The following CELSR1 variants were observed in gnomAD, a reference collection of about 807,000 sequenced individuals.
CELSR1 encodes the protein cadherin EGF LAG seven-pass G-type receptor 1.
CELSR1 carries 110 observed loss-of-function variants against 249.1 expected under a neutral mutation model. That is an observed-to-expected ratio of 0.44 (90% CI 0.38 to 0.52). CELSR1 has a LOEUF of 0.52. Ranked by LOEUF, CELSR1 falls within the 20% of genes least tolerant of loss-of-function variation. CELSR1 has a pLI of 0.00. For synonymous variants in CELSR1, 2,113 were observed against 1,900.0 expected, an observed-to-expected ratio of 1.11 and a Z score of -2.92; for missense variants, 4,109 against 4,296.4, an observed-to-expected ratio of 0.96 and a Z score of 1.22.
At chr22:46,525,286 C>T (rs1185098324) in intron 1 of CELSR1, among the ~76,000 whole-genome samples, 1 of 152,264 alleles carries the variant, frequency 6.6e-6, no homozygotes, top group Non-Finnish European at 1.5e-5. Context: ...CCCATGTCTA[C>T]TAAAAATACA....
At chr22:46,384,226 G>A (rs1479147976) in intron 20 of CELSR1, among the ~76,000 whole-genome samples, 2 of 152,190 alleles carry the variant, frequency 1.3e-5, no homozygotes, top group South Asian at 2.1e-4. Flanking sequence ...GTGAGCCGCC[G>A]CGCCTGGCCT....
chr22:46,394,159 C>T lies in CELSR1; in HGVS notation c.5947G>A (p.Gly1983Ser). The change falls in exon 14 of 35, where the codon GGC becomes AGC. Residue 1983 changes from glycine to serine, a missense_variant. Physicochemically the swap from Gly to Ser is moderately conservative, Grantham distance 56. Transcript: ENST00000674500. The stretch of plus-strand genomic sequence containing the variant: ...GGCCTCACCTTGCATTGGCACTGGC[C>T]GTTGGTCTTATTACAGTCGGGATCA... ...GFDPDCNKTN[G>S]QCQCKENYYK... The T allele has an allele frequency of 6.2e-7, 1 of 1,613,926 alleles. No homozygotes were observed. Among genetic ancestry groups the T allele is most frequent in the Non-Finnish European group, 8.5e-7 (1 of 1,179,880 alleles).
rs768346977 is a variant in CELSR1, at chr22:46,410,500, G to C, written c.4831C>G (p.Pro1611Ala). 2 of 1,614,006 alleles carry C rather than the reference G, an allele frequency of 1.2e-6. No homozygotes were observed. The highest frequency in any genetic ancestry group is 1.7e-6 in the Non-Finnish European group (2 of 1,180,032). Residue 1611 changes from proline (P) to alanine (A), a missense_variant, in exon 7 of 35, where the codon CCA becomes GCA. By Grantham distance (27) the Pro-to-Ala change is conservative. Coordinates refer to ENST00000674500, the MANE Select transcript of CELSR1 (RefSeq NM_001378328.1). The surrounding 1 kb of genome is among the most constrained non-coding windows in gnomAD (Gnocchi z 6.8). ...CCCACGAACTGCCGGTTGTGCACTG[G>C]GAAGTCTTCTGGCAGGTTGGGGACA... Reference protein sequence around the residue: ...GGVPNLPEDFPVHNRQFVGCM... With the variant: ...GGVPNLPEDFAVHNRQFVGCM...
intron 29 of CELSR1, 33 bp downstream of exon 29, chr22:46,366,960 C>A: frequency 6.3e-7 from 1 of 1,596,682 alleles, no homozygotes; most frequent in Non-Finnish European, 8.5e-7. Flanking sequence ...GCCGCCCAGC[C>A]CCCAGTCCCG....
chr22:46,364,699 G>C lies in CELSR1; in HGVS notation c.8592C>G (p.Pro2864=), dbSNP rs759640294. 13 of 1,612,492 alleles carry C rather than the reference G, an allele frequency of 8.1e-6. No homozygotes were observed. The highest frequency in any genetic ancestry group is 2.2e-5 in the East Asian group (1 of 44,868). ...TGTCACTCTCAGCCAGGCTCTGGTC[G>C]GGCCAGCCGGCCGGAACGTGGTTGG... ...AVANHVPAGW[P]DQSLAESDSE... is the part of the protein sequence containing the mutation. Residue 2864 remains proline (P), a synonymous_variant, in exon 33 of 35, where the codon CCC becomes CCG. Coordinates refer to ENST00000674500, the MANE Select transcript of CELSR1 (RefSeq NM_001378328.1).
Position 46,436,390 on chromosome 22 carries a change from C to G in CELSR1, c.4407-101G>C. The G allele has an allele frequency of 1.3e-6, 1 of 752,668 alleles. No individual in the cohort carries two copies. Among genetic ancestry groups the G allele is most frequent in the Non-Finnish European group, 2.3e-6 (1 of 440,352 alleles). The allele number at this position is 752,668 out of a possible 1,614,324, so 46.6% of individuals were successfully genotyped here. ...GCCGGAGGAGGGCAAGCACGTGGGG[C>G]TACGATTCAGGAAAGAATGGTGTCA... On this transcript the variant is annotated intron_variant, in intron 3 of 34. Coordinates refer to ENST00000674500, the MANE Select transcript of CELSR1 (RefSeq NM_001378328.1). This position sits in a 1 kb window ranked among gnomAD's most constrained non-coding sequence, Gnocchi z 5.9.
In CELSR1 at chr22:46,521,009, G is replaced by A. The variant is rs60804699; in HGVS notation, c.3544+12618C>T. Among the ~76,000 whole-genome samples, 22 of 152,230 alleles carry A rather than the reference G, an allele frequency of 1.4e-4. No homozygotes were observed. The South Asian group carries it at 3.3e-3, about 23-fold the overall frequency. ...TTTTCAGTCTTGCTTATTTCACTTA[G>A]CATAATGTCCTCAAGGTTCACCCAC... On this transcript the variant is annotated intron_variant, in intron 1 of 34. Coordinates refer to ENST00000674500, the MANE Select transcript of CELSR1 (RefSeq NM_001378328.1).
rs141190123 is a variant in CELSR1, at chr22:46,447,888, G to A, written c.4184-8477C>T. On this transcript the variant is annotated intron_variant, in intron 2 of 34. Transcript: ENST00000674500. This position sits in a 1 kb window ranked among gnomAD's most constrained non-coding sequence, Gnocchi z 4.7. ...GCTCGCCTTAGCCTCCCAAAGTGCT[G>A]GGATTACAGGTGCGAGCCACCACAC... Among the ~76,000 whole-genome samples, 5 of 152,312 alleles carry A rather than the reference G, an allele frequency of 3.3e-5. No individual in the cohort carries two copies. Among genetic ancestry groups the A allele is most frequent in the African/African-American group, 7.2e-5 (3 of 41,582 alleles).
Position 46,390,470 on chromosome 22 carries a change from G to C in CELSR1, c.6267C>G (p.His2089Gln). ...PKGSVGNAVR[H>Q]CSGEKGWLPP... ...GCAGCCAGCCCTTCTCCCCGCTGCA[G>C]TGTCGGACCGCATTTCCTGGGGAAG... Residue 2089 changes from histidine (H) to glutamine (Q), a missense_variant, in exon 17 of 35, where the codon CAC becomes CAG. Transcript: ENST00000674500. This position sits in a 1 kb window ranked among gnomAD's most constrained non-coding sequence, Gnocchi z 6.3. 1.9e-6 allele frequency: 3 copies of C among 1,613,788 alleles called. No individual in the cohort carries two copies. The highest frequency in any genetic ancestry group is 2.5e-6 in the Non-Finnish European group (3 of 1,179,866).
intron 1 of CELSR1, among the ~76,000 whole-genome samples, chr22:46,498,672 T>A (rs1215637461): frequency 6.6e-6 from 1 of 151,114 alleles, no homozygotes; most frequent in East Asian, 1.9e-4. Context: ...GAAATAAACA[T>A]GGACAGGGAG....
At chr22:46,504,522 A>G (rs1033466382) in intron 1 of CELSR1, among the ~76,000 whole-genome samples, 1 of 87,312 alleles carries the variant, frequency 1.1e-5, no homozygotes, top group African/African-American at 4.1e-5. Context: ...AAAAAAAAAC[A>G]AAAAAAAACA....
rs1381526746 is a variant in CELSR1 at position 46,378,579 on chromosome 22, G to C, written c.7383+12C>G. ...GGCCCAGAGGGCACAGTGGCCACGG[G>C]AGGATGCCCACCTCACGCCTGGAGA... is the stretch of plus-strand genomic sequence containing the variant. On this transcript the variant is annotated intron_variant, in intron 23 of 34. Transcript: ENST00000674500. 6.4e-7 allele frequency: 1 copy of C among 1,556,272 alleles called. No individual in the cohort carries two copies. The highest frequency in any genetic ancestry group is 2.4e-5 in the East Asian group (1 of 41,680).
intron 1 of CELSR1, among the ~76,000 whole-genome samples, chr22:46,529,963 T>C (rs1393514811): frequency 6.6e-6 from 1 of 152,150 alleles, no homozygotes; most frequent in Non-Finnish European, 1.5e-5. Context: ...TTCTCCATGA[T>C]GTGATCATTA....
At chr22:46,365,160 G>C (rs1294388927) in intron 32 of CELSR1, 71 bp downstream of exon 32, 2 of 1,536,814 alleles carry the variant, frequency 1.3e-6, no homozygotes, top group Non-Finnish European at 1.7e-6. Context: ...AAGGGACCCA[G>C]CCATAGCCAA....
rs747221856 is a variant in CELSR1 at position 46,536,475 on chromosome 22, C to A, written c.696G>T (p.Arg232=). 1.9e-6 allele frequency: 3 copies of A among 1,603,664 alleles called. No homozygotes were observed. The highest frequency in any genetic ancestry group is 2.6e-6 in the Non-Finnish European group (3 of 1,175,878). ...LPEARAGPAR[R]ARRGTSGRGS... ...CTCTGCCGCTCGTGCCCCGCCGGGCCCGTCGCGCCGGCCCCGCCCGGGCTT... is the reference window on the plus strand; with the variant it reads ...CTCTGCCGCTCGTGCCCCGCCGGGCACGTCGCGCCGGCCCCGCCCGGGCTT... The change falls in exon 1 of 35, where the codon CGG becomes CGT. Residue 232 remains arginine, a synonymous_variant. Transcript: ENST00000674500.
chr22:46,385,739 A>G lies in CELSR1; in HGVS notation c.6739+663T>C, dbSNP rs1222975406. Among the ~76,000 whole-genome samples the G allele has an allele frequency of 9.0e-5, 13 of 143,710 alleles. No homozygotes were observed. In the South Asian group the frequency reaches 1.3e-3, roughly 14 times the overall value. The allele number at this position is 143,710 out of a possible 152,430, so 94.3% of individuals were successfully genotyped here. On this transcript the variant is annotated intron_variant, in intron 19 of 34. Coordinates refer to ENST00000674500, the MANE Select transcript of CELSR1 (RefSeq NM_001378328.1). The stretch of plus-strand genomic sequence containing the variant: ...CTCGCCCAGGCTGGAGTGCAGTGGC[A>G]TGATCTCGGCTCACTGCAAGCTCCG...
intron 1 of CELSR1, among the ~76,000 whole-genome samples, chr22:46,507,798 G>A (rs912330211): frequency 6.6e-6 from 1 of 152,186 alleles, no homozygotes; most frequent in Non-Finnish European, 1.5e-5. Context: ...CTGTGAAGCC[G>A]GCGAGCCTGC....
chr22:46,386,839 C>T (rs1473320088), intron 18 of CELSR1, among the ~76,000 whole-genome samples: 2 of 152,146 alleles, frequency 1.3e-5, no homozygotes, highest in African/African-American at 2.4e-5. Context: ...CTGCAACCTC[C>T]GCCTCCTGGG....
intron 1 of CELSR1, among the ~76,000 whole-genome samples, chr22:46,524,201 G>C (rs1875306816): frequency 6.6e-6 from 1 of 152,176 alleles, no homozygotes; most frequent in Non-Finnish European, 1.5e-5. Flanking sequence ...CCTTACCATG[G>C]GGATCCTGTA....
Sources: allele counts gnomAD v4.1 joint callset (sites outside exome capture counted in the v4.1 genomes callset), GRCh38; gene constraint gnomAD v4.1.1; non-coding constraint Gnocchi (gnomAD v3.1); transcripts MANE v1.5; gene names NCBI Gene and HGNC (gene_info 2026-07-23, HGNC 2026-07-21).